DNAJB14: variants seen among roughly 807,000 people sequenced by gnomAD.
DNAJB14 encodes DnaJ heat shock protein family (Hsp40) member B14.
DNAJB14 carries 22 observed loss-of-function variants against 48.4 expected under a neutral mutation model. The ratio of observed to expected loss-of-function variants is 0.45; its 90% CI spans 0.32 to 0.65. The LOEUF is 0.65. DNAJB14 is among the 30% of genes least tolerant of loss of function. DNAJB14 has a pLI of 0.03. For missense variants in DNAJB14, 319 were observed against 458.8 expected, an observed-to-expected ratio of 0.70 and a Z score of 2.78; for synonymous variants, 142 against 158.7, an observed-to-expected ratio of 0.89 and a Z score of 0.79.
At chr4:99,930,716 T>C in intron 1 of DNAJB14, 95 bp from the exon 2 acceptor site, 1 of 1,349,352 alleles carries the variant, frequency 7.4e-7, no homozygotes, top group Non-Finnish European at 1.0e-6. Flanking sequence ...TTATGAAGTG[T>C]GTTCTCCAAA....
chr4:99,907,659 C>A (rs1333596019), intron 4 of DNAJB14, among the ~76,000 whole-genome samples: 1 of 152,110 alleles, frequency 6.6e-6, no homozygotes, highest in Non-Finnish European at 1.5e-5. Context: ...GCCTGGGCAA[C>A]AGAGCAAGAC....
At chr4:99,901,255 T>A in intron 7 of DNAJB14, 103 bp from the exon 8 acceptor site, 1 of 1,032,366 alleles carries the variant, frequency 9.7e-7, no homozygotes, top group Non-Finnish European at 1.3e-6. Flanking sequence ...ATATTTTGAT[T>A]AACTGACTTA....
At chr4:99,941,031 AAT>A (rs1726874141) in intron 1 of DNAJB14, among the ~76,000 whole-genome samples, 2 of 152,098 alleles carry the variant, frequency 1.3e-5, no homozygotes, top group Admixed American at 1.3e-4. Flanking sequence ...TTATGGCTAT[AAT>A]ATTTTCATTT....
In DNAJB14 at chr4:99,897,649, C is replaced by A. The variant is rs1320865180; in HGVS notation, c.*3379G>T. ...TTATGGATTTTAACTAGGCAATGGT[C>A]CAATGTGGTCAACAGACATGGTTTT... On this transcript the variant is annotated 3_prime_UTR_variant, in exon 8 of 8. Coordinates refer to ENST00000442697, the MANE Select transcript of DNAJB14 (RefSeq NM_001031723.4). The A allele has an allele frequency of 6.6e-6, 1 of 151,758 alleles. No homozygotes were observed. Among genetic ancestry groups the A allele is most frequent in the Non-Finnish European group, 1.5e-5 (1 of 67,812 alleles). The allele number at this position is 151,758 out of a possible 1,614,324, so 9.4% of individuals were successfully genotyped here.
rs1284181032 is a variant in DNAJB14, at chr4:99,898,982, C to T, written c.*2046G>A. On this transcript the variant is annotated 3_prime_UTR_variant, in exon 8 of 8. Coordinates refer to ENST00000442697, the MANE Select transcript of DNAJB14 (RefSeq NM_001031723.4). ...GCACTCAGTCTGTCATTTCTCACTG[C>T]AGAAAATTTTATCAAACACATTTTC... The T allele has an allele frequency of 6.6e-6, 1 of 151,872 alleles. No homozygotes were observed. Among genetic ancestry groups the T allele is most frequent in the African/African-American group, 2.4e-5 (1 of 41,414 alleles). The allele number at this position is 151,872 out of a possible 1,614,324, so 9.4% of individuals were successfully genotyped here. A position where few individuals can be genotyped will look rare whatever the true frequency, so the allele number is the denominator to read the frequency against.
At chr4:99,913,053 G>A (rs1307123615) in intron 3 of DNAJB14, among the ~76,000 whole-genome samples, 4 of 152,048 alleles carry the variant, frequency 2.6e-5, no homozygotes, top group Admixed American at 2.0e-4. Context: ...GCAATCTTAC[G>A]GGATTTGCTT....
In DNAJB14 at chr4:99,903,721, CT is replaced by C. The variant is rs765991734; in HGVS notation, c.1015+4del. The C allele has an allele frequency of 6.2e-7, 1 of 1,604,968 alleles. No individual in the cohort carries two copies. The highest frequency in any genetic ancestry group is 8.5e-7 in the Non-Finnish European group (1 of 1,177,276). ...TTTAAAATGTTAAACACATGACAAA[CT>C]TACTTTGTTGTCTTTCTTTCCAGCA... On this transcript the variant is annotated splice_donor_region_variant and intron_variant, in intron 7 of 7. Coordinates refer to ENST00000442697, the MANE Select transcript of DNAJB14 (RefSeq NM_001031723.4).
chr4:99,932,300 C>A (rs1378030485), intron 1 of DNAJB14, among the ~76,000 whole-genome samples: 1 of 151,700 alleles, frequency 6.6e-6, no homozygotes, highest in Admixed American at 6.6e-5. Flanking sequence ...AGAATTCTTA[C>A]AGTTCAGTAA....
chr4:99,914,649 T>C (rs372984994), intron 3 of DNAJB14, among the ~76,000 whole-genome samples: 6 of 151,726 alleles, frequency 4.0e-5, no homozygotes, highest in Non-Finnish European at 8.8e-5. Context: ...ATAATAAAAA[T>C]ATATATATAA....
chr4:99,908,633 A>C (rs770597355), intron 4 of DNAJB14, 78 bp downstream of exon 4: 90 of 1,081,978 alleles, frequency 8.3e-5, no homozygotes, highest in Non-Finnish European at 1.1e-4. Context: ...AAAGGTAGAT[A>C]CATCTCTAAA....
At chr4:99,943,217 G>A (rs1394458220) in intron 1 of DNAJB14, among the ~76,000 whole-genome samples, 2 of 152,148 alleles carry the variant, frequency 1.3e-5, no homozygotes, top group Non-Finnish European at 2.9e-5. Flanking sequence ...GGTGAAAAAG[G>A]AGTCAGAGAA....
At chr4:99,936,370 G>T (rs1389073655) in intron 1 of DNAJB14, among the ~76,000 whole-genome samples, 1 of 152,188 alleles carries the variant, frequency 6.6e-6, no homozygotes, top group Non-Finnish European at 1.5e-5. Context: ...CTGTATGTGT[G>T]TGCATGTGTC....
intron 2 of DNAJB14, chr4:99,925,497 TG>T (rs1163101192): frequency 6.6e-6 from 1 of 152,176 alleles, no homozygotes; most frequent in African/African-American, 2.4e-5. Context: ...ACTCCTCATT[TG>T]GTAGATATTA....
intron 1 of DNAJB14, among the ~76,000 whole-genome samples, chr4:99,943,315 C>T (rs1033398983): frequency 6.6e-6 from 1 of 152,198 alleles, no homozygotes; most frequent in African/African-American, 2.4e-5. Flanking sequence ...TACATTTGTA[C>T]TACCAACTTT....
rs113290570 is a variant in DNAJB14 at position 99,940,783 on chromosome 4, T to C, written c.133+5656A>G. Among the ~76,000 whole-genome samples, 489 of 152,088 alleles carry C rather than the reference T, an allele frequency of 3.2e-3. 6 individuals carry two copies. The highest frequency in any genetic ancestry group is 0.011 in the African/African-American group (470 of 41,530). ...CTGTTTTTAGCTTAATTTTCTTCAA[T>C]TGTTGACATATTAGAGATATCACCT... On this transcript the variant is annotated intron_variant, in intron 1 of 7. Coordinates refer to ENST00000442697, the MANE Select transcript of DNAJB14 (RefSeq NM_001031723.4).
intron 1 of DNAJB14, among the ~76,000 whole-genome samples, chr4:99,940,321 G>A (rs1726844395): frequency 6.6e-6 from 1 of 152,178 alleles, no homozygotes; most frequent in African/African-American, 2.4e-5. Context: ...GGCCAGGCGT[G>A]GTGGCTCATG....
In DNAJB14 at chr4:99,899,748, A is replaced by C. The variant is rs995424967; in HGVS notation, c.*1280T>G. On this transcript the variant is annotated 3_prime_UTR_variant, in exon 8 of 8. Coordinates refer to ENST00000442697, the MANE Select transcript of DNAJB14 (RefSeq NM_001031723.4). ...CAACTGCTAAACACAGAAGACTAGAAATCAAATAGTTTCATATCCAGTATA... is the reference window on the plus strand; with the variant it reads ...CAACTGCTAAACACAGAAGACTAGACATCAAATAGTTTCATATCCAGTATA... 2.0e-5 allele frequency: 3 copies of C among 152,136 alleles called. No individual in the cohort carries two copies. Among genetic ancestry groups the C allele is most frequent in the African/African-American group, 7.2e-5 (3 of 41,430 alleles). The allele number at this position is 152,136 out of a possible 1,614,324, so 9.4% of individuals were successfully genotyped here.
intron 2 of DNAJB14, chr4:99,928,384 T>C (rs1391801443): frequency 1.6e-5 from 3 of 182,154 alleles, no homozygotes; most frequent in Non-Finnish European, 2.4e-5. Context: ...TCTGGCCACA[T>C]ACAGAGTGTA....
chr4:99,904,416 A>G (rs1725396536), intron 6 of DNAJB14, among the ~76,000 whole-genome samples: 1 of 152,142 alleles, frequency 6.6e-6, no homozygotes. Context: ...GCTTTCTGAT[A>G]GTTCAATGTA....
Sources: allele counts gnomAD v4.1 joint callset (sites outside exome capture counted in the v4.1 genomes callset), GRCh38; gene constraint gnomAD v4.1.1; transcripts MANE v1.5; gene names NCBI Gene and HGNC (gene_info 2026-07-23, HGNC 2026-07-21).